The following SAMD4B variants were observed in gnomAD, a reference collection of about 807,000 sequenced individuals.
The protein encoded by SAMD4B is sterile alpha motif domain containing 4B.
A neutral mutation model predicts 74.5 loss-of-function variants in SAMD4B; 5 were observed. The observed-to-expected ratio is 0.07, with a 90% CI of 0.04 to 0.14. The LOEUF is 0.14. SAMD4B is among the 10% of genes least tolerant of loss of function. SAMD4B has a pLI of 1.00. For missense variants in SAMD4B, 608 were observed against 921.8 expected (o/e 0.66, Z 4.41); for synonymous variants, 373 against 374.9 (o/e 1.00, Z 0.06).
rs1408040257 is a variant in SAMD4B at position 39,385,070 on chromosome 19, T to G, written c.*1543T>G. The G allele has an allele frequency of 6.6e-6, 1 of 152,588 alleles. No individual in the cohort carries two copies. Among genetic ancestry groups the G allele is most frequent in the African/African-American group, 2.4e-5 (1 of 41,452 alleles). 9.5% of individuals were successfully genotyped at this position (152,588 alleles called of 1,614,324 possible). A position where few individuals can be genotyped will look rare whatever the true frequency, so the allele number is the denominator to read the frequency against. On this transcript the variant is annotated 3_prime_UTR_variant, in exon 14 of 14. Coordinates refer to ENST00000610417, the MANE Select transcript of SAMD4B (RefSeq NM_001384574.2). ...GGTAGGGTGGCCCTGGGAACCTGGC[T>G]CTGGGTCCCCACTTCCTCTCCCAGT...
chr19:39,342,461 C>CGGA lies in SAMD4B; in HGVS notation c.-380_-379insAGG, dbSNP rs1273277804. ...AGCGCGACGGCGGCGGCGGCGGCGG[C>CGGA]GGCGGTGGTCGGTGCGGGAGGAGGG... On this transcript the variant is annotated 5_prime_UTR_variant, in exon 1 of 14. Transcript: ENST00000610417. 5.6e-6 allele frequency: 1 copy of CGGA among 179,772 alleles called. No homozygotes were observed. The highest frequency in any genetic ancestry group is 1.1e-5 in the Non-Finnish European group (1 of 90,442). The allele number at this position is 179,772 out of a possible 1,614,324, so 11.1% of individuals were successfully genotyped here. A position where few individuals can be genotyped will look rare whatever the true frequency, so the allele number is the denominator to read the frequency against.
intron 10 of SAMD4B, 149 bp downstream of exon 10, chr19:39,380,233 A>G (rs2077878322): frequency 1.5e-6 from 1 of 655,094 alleles, no homozygotes; most frequent in Non-Finnish European, 2.6e-6. Context: ...TTTCCACTAG[A>G]ATAGGATGCT....
Position 39,362,706 on chromosome 19 carries a change from C to G in SAMD4B, c.196+5617C>G, listed in dbSNP as rs549460484. Among the ~76,000 whole-genome samples, 8 of 152,210 alleles carry G rather than the reference C, an allele frequency of 5.3e-5. No individual in the cohort carries two copies. The South Asian group carries it at 1.7e-3, about 32-fold the overall frequency. Reference sequence around the variant, plus strand: ...GTTCCTATGGACAGGAGGAAGGAGACTAGGGGGGTCAGGGGAGCTGAATTC... The same window carrying G: ...GTTCCTATGGACAGGAGGAAGGAGAGTAGGGGGGTCAGGGGAGCTGAATTC... On this transcript the variant is annotated intron_variant, in intron 3 of 13. Coordinates refer to ENST00000610417, the MANE Select transcript of SAMD4B (RefSeq NM_001384574.2).
At chr19:39,390,675 T>C (rs2078360536), downstream of SAMD4B, 7 of 861,690 alleles carry the variant, frequency 8.1e-6, no homozygotes, top group Middle Eastern at 2.2e-4. Context: ...GGGGAACACC[T>C]GAATCTCAGA....
chr19:39,363,994 C>T (rs141197509), intron 3 of SAMD4B, among the ~76,000 whole-genome samples: 40 of 152,366 alleles, frequency 2.6e-4, no homozygotes, highest in Admixed American at 1.8e-3. Context: ...ATTACTTGGG[C>T]CAGTTCCAGT....
At chr19:39,357,135 T>C in intron 3 of SAMD4B, 46 bp downstream of exon 3, 1 of 1,502,392 alleles carries the variant, frequency 6.7e-7, no homozygotes, top group Non-Finnish European at 9.1e-7. Flanking sequence ...GAGGGAGACC[T>C]GGAACAGATG....
In SAMD4B at chr19:39,377,643, A is replaced by C; in HGVS notation, c.1263A>C (p.Pro421=). ...GGGCCCCGGGGGAACCACCGCTGCC[A>C]GGTGCTGAGCCTCCCCTAGCCCACC... is the stretch of plus-strand genomic sequence containing the variant. ...KDGAPGEPPL[P]GAEPPLAHPG... Residue 421 remains proline (P), a synonymous_variant, in exon 8 of 14, where the codon CCA becomes CCC. Transcript: ENST00000610417. The C allele has an allele frequency of 6.2e-7, 1 of 1,614,060 alleles. No individual in the cohort carries two copies. Among genetic ancestry groups the C allele is most frequent in the Non-Finnish European group, 8.5e-7 (1 of 1,179,984 alleles).
Position 39,385,228 on chromosome 19 carries a change from T to C in SAMD4B, c.*1701T>C. 4.0e-6 allele frequency: 1 copy of C among 253,074 alleles called. No individual in the cohort carries two copies. The allele number at this position is 253,074 out of a possible 1,614,324, so 15.7% of individuals were successfully genotyped here. On this transcript the variant is annotated 3_prime_UTR_variant, in exon 14 of 14. Transcript: ENST00000610417. The stretch of plus-strand genomic sequence containing the variant: ...CCTCAATCTCCCAGGGCTTCTCCAG[T>C]CCCCCTCCCACTAGCTGCAGGAAGT...
At chr19:39,363,284 G>A (rs1425888287) in intron 3 of SAMD4B, among the ~76,000 whole-genome samples, 1 of 152,116 alleles carries the variant, frequency 6.6e-6, no homozygotes, top group East Asian at 1.9e-4. Context: ...TTTGCAGCTT[G>A]GTGAGAAGCA....
At chr19:39,366,828 G>T (rs2076988974) in intron 3 of SAMD4B, among the ~76,000 whole-genome samples, 1 of 152,074 alleles carries the variant, frequency 6.6e-6, no homozygotes, top group South Asian at 2.1e-4. Context: ...TAAGGAACTT[G>T]GGTTGAAAGA....
downstream of SAMD4B, chr19:39,390,352 G>A (rs1484335109): frequency 6.7e-7 from 1 of 1,500,770 alleles, no homozygotes; most frequent in Non-Finnish European, 9.1e-7. Flanking sequence ...GAATGAAAAA[G>A]GCTTCCCCAA....
At chr19:39,369,388 G>A in intron 3 of SAMD4B, 1 of 478,234 alleles carries the variant, frequency 2.1e-6, no homozygotes, top group Non-Finnish European at 3.8e-6. Flanking sequence ...TCAATAGTGG[G>A]ATTGCACTTG....
chr19:39,376,956 TCA>T (rs2077635565), intron 7 of SAMD4B, among the ~76,000 whole-genome samples, 165 bp downstream of exon 7: 3 of 152,156 alleles, frequency 2.0e-5, no homozygotes, highest in Non-Finnish European at 4.4e-5. Context: ...ATCAAAAGGC[TCA>T]CTTGCTGGTG....
intron 4 of SAMD4B, among the ~76,000 whole-genome samples, chr19:39,374,413 G>T (rs2077483757): frequency 6.6e-6 from 1 of 152,164 alleles, no homozygotes; most frequent in South Asian, 2.1e-4. Flanking sequence ...AAAAAAAATG[G>T]GAGGTAGTGA....
chr19:39,343,169 A>G (rs2075430699), intron 1 of SAMD4B, among the ~76,000 whole-genome samples: 1 of 151,620 alleles, frequency 6.6e-6, no homozygotes, highest in Admixed American at 6.6e-5. Context: ...ACCCCTGTCC[A>G]TTCCAGAACT....
chr19:39,365,292 A>G (rs1221963233), intron 3 of SAMD4B, among the ~76,000 whole-genome samples: 1 of 151,150 alleles, frequency 6.6e-6, no homozygotes, highest in East Asian at 1.9e-4. Context: ...CATGGCTCAC[A>G]CCTGCAATCC....
chr19:39,382,001 A>G (rs55672821), intron 12 of SAMD4B, among the ~76,000 whole-genome samples: 88 of 152,332 alleles, frequency 5.8e-4, no homozygotes, highest in Non-Finnish European at 1.1e-3. Context: ...GCCCTGCTCA[A>G]CAAGTGAGGG....
Position 39,384,220 on chromosome 19 carries a change from T to TC in SAMD4B, c.*697dup, listed in dbSNP as rs2078170397. The TC allele has an allele frequency of 6.5e-6, 1 of 153,674 alleles. No individual in the cohort carries two copies. The highest frequency in any genetic ancestry group is 2.4e-5 in the African/African-American group (1 of 41,446). The allele number at this position is 153,674 out of a possible 1,614,324, so 9.5% of individuals were successfully genotyped here. ...TGATCATTTCCTCTCATTTTTAGAA[T>TC]CCCCAGGTCTCTCTCAGCCAAGACA... On this transcript the variant is annotated 3_prime_UTR_variant, in exon 14 of 14. Coordinates refer to ENST00000610417, the MANE Select transcript of SAMD4B (RefSeq NM_001384574.2).
downstream of SAMD4B, chr19:39,390,408 G>T: frequency 1.1e-6 from 1 of 910,370 alleles, no homozygotes; most frequent in Non-Finnish European, 1.8e-6. Flanking sequence ...TTCTTTGGGT[G>T]GTGGTGTGGG....
Sources: allele counts gnomAD v4.1 joint callset (sites outside exome capture counted in the v4.1 genomes callset), GRCh38; gene constraint gnomAD v4.1.1; transcripts MANE v1.5; gene names NCBI Gene and HGNC (gene_info 2026-07-23, HGNC 2026-07-21).